Variants in TOR3A observed in about 807,000 individuals in gnomAD.
The protein encoded by TOR3A is torsin family 3 member A, also known as torsin-3A.
In TOR3A, 44 loss-of-function variants were observed where a neutral mutation model predicts 42.1. The observed-to-expected ratio is 1.04, with a 90% CI of 0.82 to 1.34. The LOEUF is 1.34. TOR3A is among the 40% of genes most tolerant of loss of function. The pLI, the probability that TOR3A is intolerant of heterozygous loss-of-function variation, is 0.00. For missense variants in TOR3A, 521 were observed against 507.6 expected, an observed-to-expected ratio of 1.03 and a Z score of -0.25; for synonymous variants, 227 against 213.2, an observed-to-expected ratio of 1.06 and a Z score of -0.57.
At chr1:179,087,859 C>T (rs1421402897) in intron 3 of TOR3A, 52 bp from the exon 4 acceptor site, 7 of 1,491,432 alleles carry the variant, frequency 4.7e-6, no homozygotes, top group Non-Finnish European at 6.3e-6. Flanking sequence ...CCCTCAAGGC[C>T]GGAGGTGGAA....
rs1652481812 is a variant in TOR3A at position 179,088,026 on chromosome 1, T to C, written c.755T>C (p.Leu252Ser). The C allele has an allele frequency of 1.7e-5, 27 of 1,613,260 alleles. No individual in the cohort carries two copies. Among genetic ancestry groups the C allele is most frequent in the Non-Finnish European group, 2.3e-5 (27 of 1,179,708 alleles). The change falls in exon 4 of 6, where the codon TTA becomes TCA. Residue 252 changes from leucine (L) to serine (S), a missense_variant. By Grantham distance (145) the Leu-to-Ser change is moderately radical. Coordinates refer to ENST00000367627, the MANE Select transcript of TOR3A (RefSeq NM_022371.4). ...PGLLEVLGPH[L>S]ERRAPEGHRA... ...CTGCTGGAGGTCCTTGGGCCACACT[T>C]AGAACGCCGGGCCCCTGAGGGCCAC... is the stretch of plus-strand genomic sequence containing the variant.
chr1:179,082,967 G>T lies in TOR3A; in HGVS notation c.287G>T (p.Arg96Leu), dbSNP rs371911155. The T allele has an allele frequency of 1.9e-6, 3 of 1,584,438 alleles. No individual in the cohort carries two copies. The African/African-American group carries it at 4.1e-5, about 21-fold the overall frequency. Residue 96 changes from arginine (R) to leucine (L), a missense_variant, in exon 2 of 6, where the codon CGG becomes CTG. Arg to Leu is a moderately radical substitution (Grantham distance 102). Transcript: ENST00000367627. ...TGGCGCCTTCCTCTGTTGGGCCAGC[G>T]GTACCTGGACCTCCTGACCACGTGG... The part of the protein sequence containing the change: ...LGWRLPLLGQ[R>L]YLDLLTTWYC...
chr1:179,082,214 C>T lies in TOR3A; in HGVS notation c.86C>T (p.Pro29Leu). 1 of 1,509,990 alleles carries T rather than the reference C, an allele frequency of 6.6e-7. No individual in the cohort carries two copies. Among genetic ancestry groups the T allele is most frequent in the Non-Finnish European group, 8.8e-7 (1 of 1,137,686 alleles). 93.5% of individuals were successfully genotyped at this position (1,509,990 alleles called of 1,614,324 possible). A position where few individuals can be genotyped will look rare whatever the true frequency, so the allele number is the denominator to read the frequency against. Residue 29 changes from proline (P) to leucine (L), a missense_variant, in exon 1 of 6, where the codon CCG (proline) becomes CTG (leucine). Transcript: ENST00000367627. Reference sequence around the variant, plus strand: ...CCTGAGCCCCGCGGCGCCTCCAGGCCGTGGGAGGGAACCGACGAGCCGGGC... The same window carrying T: ...CCTGAGCCCCGCGGCGCCTCCAGGCTGTGGGAGGGAACCGACGAGCCGGGC... ...GAPEPRGASRPWEGTDEPGSA... is the reference protein window; with the variant it reads ...GAPEPRGASRLWEGTDEPGSA...
intron 3 of TOR3A, among the ~76,000 whole-genome samples, chr1:179,086,534 C>T (rs534549677): frequency 6.6e-5 from 10 of 152,170 alleles, no homozygotes; most frequent in East Asian, 1.9e-4. Flanking sequence ...GGCGTGGTGG[C>T]GGGCACCTGT....
rs529182790 is a variant in TOR3A at position 179,082,453 on chromosome 1, G to C, written c.259+66G>C. On this transcript the variant is annotated intron_variant, in intron 1 of 5. Coordinates refer to ENST00000367627, the MANE Select transcript of TOR3A (RefSeq NM_022371.4). Reference sequence around the variant, plus strand: ...AGAGTGCGATCCGGGCGCGGCTGTGGTCGCCTCGCTCCTGTCCGGGGCGAC... The same window carrying C: ...AGAGTGCGATCCGGGCGCGGCTGTGCTCGCCTCGCTCCTGTCCGGGGCGAC... 2.5e-4 allele frequency: 381 copies of C among 1,527,934 alleles called. 1 individual carries two copies. The African/African-American group carries it at 5.0e-3, about 20-fold the overall frequency. The allele number at this position is 1,527,934 out of a possible 1,614,324, so 94.6% of individuals were successfully genotyped here.
At chr1:179,084,796 G>A (rs920975437) in intron 2 of TOR3A, among the ~76,000 whole-genome samples, 8 of 152,132 alleles carry the variant, frequency 5.3e-5, no homozygotes, top group Non-Finnish European at 7.4e-5. Context: ...ACAGCTGGCC[G>A]CACACCCTGC....
chr1:179,087,647 T>G (rs1652466730), intron 3 of TOR3A, among the ~76,000 whole-genome samples: 1 of 152,158 alleles, frequency 6.6e-6, no homozygotes, highest in Non-Finnish European at 1.5e-5. Context: ...CACTCCTTTC[T>G]AGGCTGTCTC....
intron 3 of TOR3A, among the ~76,000 whole-genome samples, 185 bp from the exon 4 acceptor site, chr1:179,087,726 C>T (rs1652469042): frequency 6.6e-6 from 1 of 151,208 alleles, no homozygotes; most frequent in African/African-American, 2.4e-5. Flanking sequence ...CACCTGGGAG[C>T]TGGTCAGATG....
At chr1:179,087,266 AG>A in intron 3 of TOR3A, among the ~76,000 whole-genome samples, 1 of 152,342 alleles carries the variant, frequency 6.6e-6, no homozygotes, top group East Asian at 1.9e-4. Flanking sequence ...CACAGCTTGC[AG>A]GAGCCAAGTT....
Position 179,083,026 on chromosome 1 carries a change from G to A in TOR3A, c.346G>A (p.Asp116Asn). The A allele has an allele frequency of 6.4e-7, 1 of 1,568,278 alleles. No homozygotes were observed. The highest frequency in any genetic ancestry group is 8.6e-7 in the Non-Finnish European group (1 of 1,157,596). Residue 116 changes from aspartate to asparagine, a missense_variant, in exon 2 of 6, where the codon GAT becomes AAT. By Grantham distance (23) the Asp-to-Asn change is conservative (BLOSUM62 1). Coordinates refer to ENST00000367627, the MANE Select transcript of TOR3A (RefSeq NM_022371.4). ...CSFKDCCPRG[D>N]CRISNNFTGL... ...CTTCAAAGACTGCTGCCCTAGAGGG[G>A]ATTGCAGAATCTCCAACAACTTTAC...
Position 179,082,387 on chromosome 1 carries a change from G to C in TOR3A, c.259G>C (p.Gly87Arg). Residue 87 changes from glycine (G) to arginine (R), a missense_variant and splice_region_variant, in exon 1 of 6, where the codon GGC (glycine) becomes CGC (arginine). Transcript: ENST00000367627. ...CGAGGAGGCAGCCACGGGGCCCCTG[G>C]GTAAGACCCCGTCCCCACGGTCCGC... ...EDEEAATGPL[G>R]WRLPLLGQRY... The C allele has an allele frequency of 1.2e-6, 2 of 1,600,316 alleles. No individual in the cohort carries two copies. The highest frequency in any genetic ancestry group is 1.7e-6 in the Non-Finnish European group (2 of 1,175,554).
chr1:179,094,020 G>T (rs1272198305), intron 4 of TOR3A, 73 bp from the exon 5 acceptor site: 2 of 1,554,112 alleles, frequency 1.3e-6, no homozygotes, highest in Non-Finnish European at 1.7e-6. Flanking sequence ...TAATGCATTG[G>T]TTTCAGCGGT....
rs1402811866 is a variant in TOR3A at position 179,095,134 on chromosome 1, G to A, written c.1110G>A (p.Met370Ile). 2 of 1,614,188 alleles carry A rather than the reference G, an allele frequency of 1.2e-6. No homozygotes were observed. Among genetic ancestry groups the A allele is most frequent in the East Asian group, 2.2e-5 (1 of 44,872 alleles). The part of the protein sequence containing the change: ...EETLDEIAQM[M>I]VYVPKEEQLF... ...CACTGGATGAAATAGCCCAGATGAT[G>A]GTGTATGTCCCCAAGGAGGAACAAC... is the stretch of plus-strand genomic sequence containing the variant. Residue 370 changes from methionine (M) to isoleucine (I), a missense_variant, in exon 6 of 6, where the codon ATG becomes ATA. Met to Ile is a conservative substitution (Grantham distance 10). Transcript: ENST00000367627.
At chr1:179,083,578 A>T (rs867841589) in intron 2 of TOR3A, among the ~76,000 whole-genome samples, 1 of 1,836 alleles carries the variant, frequency 5.4e-4, no homozygotes, top group Non-Finnish European at 1.3e-3. Context: ...TTTTTAGTAG[A>T]GGCGGGGGGG....
intron 4 of TOR3A, among the ~76,000 whole-genome samples, chr1:179,090,121 G>GGC (rs1553210046): frequency 2.9e-5 from 4 of 138,474 alleles, no homozygotes; most frequent in African/African-American, 7.7e-5. Flanking sequence ...TGGGGGGGGG[G>GGC]GCCTGCGGGA....
At chr1:179,082,560 T>A (rs976701608) in intron 1 of TOR3A, among the ~76,000 whole-genome samples, 173 bp downstream of exon 1, 1 of 152,208 alleles carries the variant, frequency 6.6e-6, no homozygotes, top group African/African-American at 2.4e-5. Context: ...GGGAGCCCCA[T>A]CACCGCCCTT....
At chr1:179,089,936 A>C (rs1652532316) in intron 4 of TOR3A, among the ~76,000 whole-genome samples, 1 of 151,680 alleles carries the variant, frequency 6.6e-6, no homozygotes. Flanking sequence ...GGAAAACCTC[A>C]CCTGGGCCGT....
chr1:179,095,969 A>G lies in TOR3A; in HGVS notation c.*751A>G, dbSNP rs549441132. On this transcript the variant is annotated 3_prime_UTR_variant, in exon 6 of 6. Transcript: ENST00000367627. ...CATGTTTGTTGTATGTAAAGATGAT[A>G]AGATTAAAATTTTTGATTTTCCTAA... The G allele has an allele frequency of 1.5e-5, 15 of 985,330 alleles. No homozygotes were observed. In the East Asian group the frequency reaches 1.7e-3, roughly 112 times the overall value. 61.0% of individuals were successfully genotyped at this position (985,330 alleles called of 1,614,324 possible). A position where few individuals can be genotyped will look rare whatever the true frequency, so the allele number is the denominator to read the frequency against.
rs1223397709 is a variant in TOR3A at position 179,082,657 on chromosome 1, C to G, written c.259+270C>G. 3.1e-5 allele frequency: 22 copies of G among 707,358 alleles called. No individual in the cohort carries two copies. The South Asian group carries it at 3.3e-4, about 11-fold the overall frequency. 43.8% of individuals were successfully genotyped at this position (707,358 alleles called of 1,614,324 possible). A position where few individuals can be genotyped will look rare whatever the true frequency, so the allele number is the denominator to read the frequency against. ...GATCCCTGCGCTTTCCAGATTCTCT[C>G]GCACCGCCTGTGCCATCTCCCAGCC... On this transcript the variant is annotated intron_variant, in intron 1 of 5. Transcript: ENST00000367627.
Sources: allele counts gnomAD v4.1 joint callset (sites outside exome capture counted in the v4.1 genomes callset), GRCh38; gene constraint gnomAD v4.1.1; transcripts MANE v1.5; gene names NCBI Gene and HGNC (gene_info 2026-07-23, HGNC 2026-07-21).